The following LRRTM4 variants were observed in gnomAD, a reference collection of about 807,000 sequenced individuals.
LRRTM4 encodes leucine rich repeat transmembrane neuronal 4.
Under a neutral mutation model 47.6 loss-of-function variants are expected in LRRTM4, and 25 were observed. The observed-to-expected ratio is 0.53, with a 90% CI of 0.38 to 0.73. LRRTM4 has a LOEUF of 0.73. LRRTM4 is among the 30% of genes least tolerant of loss of function. The pLI, the probability that LRRTM4 is intolerant of heterozygous loss-of-function variation, is 0.00. For missense variants in LRRTM4, 638 were observed against 713.4 expected (o/e 0.89, Z 1.20); for synonymous variants, 311 against 269.5 (o/e 1.15, Z -1.51).
intron 3 of LRRTM4, among the ~76,000 whole-genome samples, chr2:76,979,520 A>G (rs1273991720): frequency 9.8e-6 from 1 of 102,074 alleles, no homozygotes; most frequent in Non-Finnish European, 1.9e-5. Context: ...TATCTAATTC[A>G]GACTGCAAAA....
intron 3 of LRRTM4, among the ~76,000 whole-genome samples, chr2:77,046,535 G>A (rs1679241719): frequency 6.6e-6 from 1 of 151,976 alleles, no homozygotes; most frequent in African/African-American, 2.4e-5. Flanking sequence ...CCCTGGAGGA[G>A]CCTTTGGCAG....
chr2:77,455,681 T>C (rs1296729548), intron 3 of LRRTM4, among the ~76,000 whole-genome samples: 1 of 152,180 alleles, frequency 6.6e-6, no homozygotes, highest in African/African-American at 2.4e-5. Context: ...TACTTGGCTG[T>C]GCATTCTGTC....
At chr2:77,045,293 T>C (rs1250842810) in intron 3 of LRRTM4, among the ~76,000 whole-genome samples, 1 of 151,966 alleles carries the variant, frequency 6.6e-6, no homozygotes, top group Admixed American at 6.6e-5. Context: ...TGCCTATCAC[T>C]CAGTTTCAAC....
intron 3 of LRRTM4, among the ~76,000 whole-genome samples, chr2:77,162,600 C>T (rs1353540494): frequency 6.6e-6 from 1 of 152,108 alleles, no homozygotes; most frequent in Non-Finnish European, 1.5e-5. Context: ...CTCATATGGC[C>T]TGGTGTCCCT....
rs765333263 is a variant in LRRTM4 at position 76,763,401 on chromosome 2, CAG to C, written c.1552-14487_1552-14486del. Among the ~76,000 whole-genome samples, 7 of 152,316 alleles carry C rather than the reference CAG, an allele frequency of 4.6e-5. No individual in the cohort carries two copies. In the South Asian group the frequency reaches 1.5e-3, roughly 32 times the overall value. On this transcript the variant is annotated intron_variant, in intron 3 of 3. Coordinates refer to ENST00000409884, the MANE Select transcript of LRRTM4 (RefSeq NM_001134745.3). ...TTAGTGTCTTCATGAAAAGAAATAACAGAGAGCTCTCTCTCTGTACTTGGACA... is the reference window on the plus strand; with the variant it reads ...TTAGTGTCTTCATGAAAAGAAATAACAGAGCTCTCTCTCTGTACTTGGACA...
At chr2:77,069,227 C>A (rs1244571502) in intron 3 of LRRTM4, among the ~76,000 whole-genome samples, 1 of 151,970 alleles carries the variant, frequency 6.6e-6, no homozygotes, top group Admixed American at 6.6e-5. Flanking sequence ...TCTCCCCGAC[C>A]GAGTTGGTCT....
At chr2:76,936,019 A>G (rs1239055679) in intron 3 of LRRTM4, among the ~76,000 whole-genome samples, 1 of 152,174 alleles carries the variant, frequency 6.6e-6, no homozygotes, top group Non-Finnish European at 1.5e-5. Context: ...ACCATTGTGG[A>G]AGACAGTGTG....
At chr2:77,132,798 A>G (rs1205185354) in intron 3 of LRRTM4, among the ~76,000 whole-genome samples, 7 of 152,076 alleles carry the variant, frequency 4.6e-5, no homozygotes, top group Admixed American at 2.0e-4. Flanking sequence ...TTAACACATG[A>G]ATTATGGGAG....
intron 3 of LRRTM4, among the ~76,000 whole-genome samples, chr2:77,080,397 T>C (rs1680492808): frequency 6.6e-6 from 1 of 152,186 alleles, no homozygotes; most frequent in Non-Finnish European, 1.5e-5. Context: ...CCGACTGAAG[T>C]CTCTTTTATA....
chr2:77,484,327 T>C (rs1677831132), intron 3 of LRRTM4, among the ~76,000 whole-genome samples: 1 of 152,250 alleles, frequency 6.6e-6, no homozygotes, highest in African/African-American at 2.4e-5. Flanking sequence ...TCCTTTTTTT[T>C]TCCTGTCTCT....
chr2:77,518,462 CT>C lies in LRRTM4; in HGVS notation c.1406del (p.Lys469ArgfsTer9), dbSNP rs1679317850. 6.2e-7 allele frequency: 1 copy of C among 1,613,312 alleles called. No homozygotes were observed. The highest frequency in any genetic ancestry group is 8.5e-7 in the Non-Finnish European group (1 of 1,179,592). On this transcript the variant is annotated frameshift_variant, in exon 3 of 4. Coordinates refer to ENST00000409884, the MANE Select transcript of LRRTM4 (RefSeq NM_001134745.3). LOFTEE classifies it high-confidence loss of function. ...QHSLMKRRRKKARESERQMNS... is the reference protein window; with the variant it reads ...QHSLMKRRRKXARESERQMNS... ...TCATTTGTCTTTCAGACTCTCTGGC[CT>C]TTTTCCGCCGCCTCTTCATAAGAGA...
intron 3 of LRRTM4, among the ~76,000 whole-genome samples, chr2:77,403,347 A>T (rs1674038185): frequency 6.6e-6 from 1 of 151,874 alleles, no homozygotes; most frequent in Non-Finnish European, 1.5e-5. Context: ...TCTTTTTCAT[A>T]TGATGGGAAC....
intron 3 of LRRTM4, among the ~76,000 whole-genome samples, chr2:77,069,401 ATGTGTGTGTGTGTGTG>A (rs3058064): frequency 2.8e-5 from 4 of 141,474 alleles, no homozygotes; most frequent in East Asian, 2.1e-4. Context: ...ACATTTCACT[ATGTGTGTGTGTGTGTG>A]TGTGTGTGTG....
intron 3 of LRRTM4, among the ~76,000 whole-genome samples, chr2:77,048,507 T>A (rs1679306520): frequency 6.6e-6 from 1 of 152,062 alleles, no homozygotes; most frequent in East Asian, 1.9e-4. Flanking sequence ...CATATGCATA[T>A]GATTAAAACC....
chr2:76,990,125 G>GT (rs34353118), intron 3 of LRRTM4, among the ~76,000 whole-genome samples: 11 of 151,560 alleles, frequency 7.3e-5, no homozygotes, highest in Non-Finnish European at 1.3e-4. Flanking sequence ...ATTTCTCAGG[G>GT]TTGTTTTTGC....
intron 3 of LRRTM4, among the ~76,000 whole-genome samples, chr2:77,086,218 G>A: frequency 6.6e-6 from 1 of 152,098 alleles, no homozygotes; most frequent in East Asian, 1.9e-4. Context: ...CAAGGAAGTA[G>A]AAACTGTTAT....
intron 3 of LRRTM4, among the ~76,000 whole-genome samples, chr2:77,103,490 T>C (rs753751385): frequency 6.6e-6 from 1 of 152,054 alleles, no homozygotes; most frequent in Admixed American, 6.5e-5. Flanking sequence ...TCGCTGAGCA[T>C]GTTAATAGAT....
intron 3 of LRRTM4, among the ~76,000 whole-genome samples, chr2:76,791,625 T>C (rs1490802527): frequency 6.6e-6 from 1 of 152,176 alleles, no homozygotes; most frequent in Non-Finnish European, 1.5e-5. Flanking sequence ...TTCAGAATTA[T>C]ACACAAAACT....
chr2:76,857,802 T>A (rs540539361), intron 3 of LRRTM4, among the ~76,000 whole-genome samples: 1 of 152,328 alleles, frequency 6.6e-6, no homozygotes, highest in Admixed American at 6.5e-5. Context: ...ATTATGTTGA[T>A]CTTTTCTAAC....
Sources: gnomAD v4.1 joint callset for allele counts (sites outside exome capture counted in the v4.1 genomes callset) on GRCh38, gnomAD v4.1.1 for gene constraint, MANE v1.5 for transcripts, NCBI Gene and HGNC (gene_info 2026-07-23, HGNC 2026-07-21) for gene names.